AFF1: variants seen among roughly 807,000 people sequenced by gnomAD.
AFF1 encodes ALF transcription elongation factor 1.
In AFF1, 48 loss-of-function variants were observed where a neutral mutation model predicts 121.7. That is an observed-to-expected ratio of 0.39 (90% CI 0.31 to 0.50). AFF1 has a LOEUF of 0.50. Ranked by LOEUF, AFF1 falls within the 20% of genes least tolerant of loss-of-function variation. AFF1 has a pLI of 0.76. For synonymous variants in AFF1, 613 were observed against 563.0 expected (o/e 1.09, Z -1.26); for missense variants, 1,523 against 1,511.7 (o/e 1.01, Z -0.12).
At chr4:87,132,003 C>T in intron 18 of AFF1, 139 bp downstream of exon 18, 1 of 814,382 alleles carries the variant, frequency 1.2e-6, no homozygotes, top group Non-Finnish European at 1.9e-6. Flanking sequence ...GTTAATCCCT[C>T]ACTGATAGTA....
intron 2 of AFF1, among the ~76,000 whole-genome samples, chr4:86,986,763 T>C (rs1269846569): frequency 2.6e-5 from 4 of 152,124 alleles, no homozygotes; most frequent in Non-Finnish European, 5.9e-5. Flanking sequence ...GTAAGGGAAA[T>C]TTTATTAATA....
intron 4 of AFF1, chr4:87,047,812 A>G (rs1318489292): frequency 2.9e-6 from 2 of 700,970 alleles, no homozygotes; most frequent in Middle Eastern, 2.5e-4. Flanking sequence ...AGAAAGGTTT[A>G]GAGAACCTTT....
At chr4:87,071,173 C>CTT (rs34949744) in intron 4 of AFF1, among the ~76,000 whole-genome samples, 1,249 of 120,726 alleles carry the variant, frequency 0.01, 24 homozygotes, top group African/African-American at 0.035. Flanking sequence ...CCCTACCAGT[C>CTT]TTTTTTTTTT....
chr4:86,967,182 G>A (rs916427143), intron 2 of AFF1, among the ~76,000 whole-genome samples: 2 of 152,332 alleles, frequency 1.3e-5, no homozygotes, highest in African/African-American at 4.8e-5. Context: ...GGACTAATCA[G>A]AGAAGACTTC....
chr4:86,967,493 G>A (rs552194880), intron 2 of AFF1, among the ~76,000 whole-genome samples: 9 of 152,174 alleles, frequency 5.9e-5, no homozygotes, highest in Non-Finnish European at 1.0e-4. Context: ...TATGTTAGTG[G>A]TTTAATATGA....
intron 2 of AFF1, among the ~76,000 whole-genome samples, chr4:86,970,808 G>A (rs1424955732): frequency 1.3e-5 from 2 of 152,170 alleles, no homozygotes; most frequent in African/African-American, 4.8e-5. Flanking sequence ...AACTTTGCAG[G>A]CGAGGGGGAG....
intron 2 of AFF1, among the ~76,000 whole-genome samples, chr4:87,022,580 A>ATATATC (rs1399457511): frequency 2.5e-4 from 22 of 89,308 alleles, no homozygotes; most frequent in Middle Eastern, 0.011. Context: ...ATATATATAT[A>ATATATC]TATCTATCTA....
At chr4:87,091,015 T>G (rs1268814769) in intron 6 of AFF1, among the ~76,000 whole-genome samples, 2 of 82,646 alleles carry the variant, frequency 2.4e-5, no homozygotes, top group African/African-American at 9.9e-5. Flanking sequence ...CCCGTCTCTC[T>G]ACCACCAAAA....
intron 2 of AFF1, among the ~76,000 whole-genome samples, chr4:87,028,658 C>G (rs1728769316): frequency 6.6e-6 from 1 of 152,116 alleles, no homozygotes; most frequent in Non-Finnish European, 1.5e-5. Flanking sequence ...TTGTCTCTTG[C>G]TGAGAATTAA....
At chr4:87,025,509 C>G (rs900450320) in intron 2 of AFF1, among the ~76,000 whole-genome samples, 1 of 152,148 alleles carries the variant, frequency 6.6e-6, no homozygotes, top group Non-Finnish European at 1.5e-5. Flanking sequence ...TGGCTGCTAT[C>G]CCAGTAGAGA....
intron 2 of AFF1, among the ~76,000 whole-genome samples, chr4:87,045,608 T>G (rs982134232): frequency 1.3e-5 from 2 of 152,148 alleles, no homozygotes; most frequent in Non-Finnish European, 2.9e-5. Flanking sequence ...ATAAAAATCA[T>G]TTTTTGTGGG....
At chr4:87,070,851 G>A (rs1036983536) in intron 4 of AFF1, among the ~76,000 whole-genome samples, 5 of 152,156 alleles carry the variant, frequency 3.3e-5, no homozygotes, top group South Asian at 4.1e-4. Flanking sequence ...TATTTGTAGG[G>A]GGTGTAAATT....
At chr4:87,060,579 C>T (rs906346241) in intron 4 of AFF1, among the ~76,000 whole-genome samples, 1 of 152,104 alleles carries the variant, frequency 6.6e-6, no homozygotes, top group Non-Finnish European at 1.5e-5. Flanking sequence ...TGGCTGACGC[C>T]TGTAATCCCA....
In AFF1 at chr4:87,138,479, T is replaced by C. The variant is rs1027359608; in HGVS notation, c.*2778T>C. On this transcript the variant is annotated 3_prime_UTR_variant, in exon 21 of 21. Transcript: ENST00000395146. The stretch of plus-strand genomic sequence containing the variant: ...GAAAATAGAGTGTAAATCTTGCCTT[T>C]GGCACTACAAGGTGTGTGTGTGTGT... The C allele has an allele frequency of 1.8e-5, 4 of 216,702 alleles. No individual in the cohort carries two copies. The Admixed American group carries it at 2.7e-4, about 14-fold the overall frequency. The allele number at this position is 216,702 out of a possible 1,614,324, so 13.4% of individuals were successfully genotyped here. A position where few individuals can be genotyped will look rare whatever the true frequency, so the allele number is the denominator to read the frequency against.
Position 87,127,662 on chromosome 4 carries a change from A to G in AFF1, c.2923A>G (p.Met975Val), listed in dbSNP as rs1728421441. The change falls in exon 16 of 21, where the codon ATG becomes GTG. Residue 975 changes from methionine to valine, a missense_variant. Physicochemically the swap from Met to Val is conservative, Grantham distance 21. This residue lies in a region of AFF1 where 905 missense variants were observed against 842.5 expected (regional missense o/e 1.07). Coordinates refer to ENST00000395146, the MANE Select transcript of AFF1 (RefSeq NM_001166693.3). The stretch of plus-strand genomic sequence containing the variant: ...TTTCAGACAACAAGCAGACCTTCAC[A>G]TGAGGGAGGCAAAAAAGATGAAGCA... ...KFDKQQADLH[M>V]REAKKMKQKA... 2 of 1,614,108 alleles carry G rather than the reference A, an allele frequency of 1.2e-6. No homozygotes were observed. The highest frequency in any genetic ancestry group is 1.7e-6 in the Non-Finnish European group (2 of 1,180,024).
intron 19 of AFF1, among the ~76,000 whole-genome samples, 185 bp downstream of exon 19, chr4:87,132,593 GT>G (rs1560664660): frequency 6.6e-6 from 1 of 152,178 alleles, no homozygotes; most frequent in African/African-American, 2.4e-5. Context: ...TTGAGAAATA[GT>G]TATAAATCAA....
chr4:87,013,039 T>TTTGTTTTTG (rs1726950992), intron 2 of AFF1, among the ~76,000 whole-genome samples: 1 of 52,724 alleles, frequency 1.9e-5, no homozygotes, highest in African/African-American at 6.7e-5. Flanking sequence ...GTTCTTTTTT[T>TTTGTTTTTG]TTTTTTTTTT....
At chr4:87,012,208 A>G (rs1027457366) in intron 2 of AFF1, among the ~76,000 whole-genome samples, 1 of 115,824 alleles carries the variant, frequency 8.6e-6, no homozygotes, top group African/African-American at 3.3e-5. Context: ...AAACTTCTCC[A>G]TTTCATTTCT....
At chr4:87,131,016 A>T (rs548390144) in intron 16 of AFF1, 67 bp from the exon 17 acceptor site, 2 of 1,579,166 alleles carry the variant, frequency 1.3e-6, no homozygotes, top group Non-Finnish European at 1.7e-6. Flanking sequence ...CACACTAAAG[A>T]ATGTGGGTGA....
Sources: allele counts gnomAD v4.1 joint callset (sites outside exome capture counted in the v4.1 genomes callset), GRCh38; gene constraint gnomAD v4.1.1; regional missense constraint gnomAD v4.1.1; transcripts MANE v1.5; gene names NCBI Gene and HGNC (gene_info 2026-07-23, HGNC 2026-07-21).